ULK4: variants seen among roughly 807,000 people sequenced by gnomAD.
The protein encoded by ULK4 is unc-51 like kinase 4.
Under a neutral mutation model 160.6 loss-of-function variants are expected in ULK4, and 133 were observed. That is an observed-to-expected ratio of 0.83 (90% CI 0.72 to 0.96). The LOEUF (loss-of-function observed/expected upper bound fraction) is 0.96, where lower values mean the gene tolerates loss of function less well. Among genes scored for constraint, ULK4 ranks in the 40% least tolerant of loss-of-function variants. The probability of loss-of-function intolerance (pLI) is 0.00; values close to 1 mark genes in which losing one functional copy is unlikely to be tolerated. For missense variants in ULK4, 1,580 were observed against 1,499.5 expected (o/e 1.05, Z -0.89); for synonymous variants, 534 against 539.8 (o/e 0.99, Z 0.15).
chr3:41,366,586 A>G (rs1002055971), intron 35 of ULK4, among the ~76,000 whole-genome samples: 1 of 150,080 alleles, frequency 6.7e-6, no homozygotes, highest in African/African-American at 2.5e-5. Context: ...TTATCTATAT[A>G]CCTATTATGT....
intron 25 of ULK4, among the ~76,000 whole-genome samples, chr3:41,705,862 A>G (rs771162436): frequency 7.9e-5 from 12 of 152,214 alleles, no homozygotes; most frequent in Non-Finnish European, 1.6e-4. Flanking sequence ...TAACTGATAC[A>G]TAACCATGTC....
At chr3:41,541,042 C>A (rs2086678809) in intron 32 of ULK4, among the ~76,000 whole-genome samples, 1 of 152,178 alleles carries the variant, frequency 6.6e-6, no homozygotes, top group African/African-American at 2.4e-5. Context: ...AATTACATCC[C>A]ATTTGTCAAT....
intron 16 of ULK4, among the ~76,000 whole-genome samples, chr3:41,885,670 CA>C (rs1697695098): frequency 6.6e-6 from 1 of 151,628 alleles, no homozygotes; most frequent in South Asian, 2.1e-4. Context: ...AAGTAAGGAA[CA>C]AAATATTTTT....
intron 22 of ULK4, among the ~76,000 whole-genome samples, chr3:41,726,586 T>C (rs2037660089): frequency 6.6e-6 from 1 of 152,054 alleles, no homozygotes; most frequent in Non-Finnish European, 1.5e-5. Flanking sequence ...AAACTGCAAA[T>C]AAACAAGGTC....
intron 35 of ULK4, among the ~76,000 whole-genome samples, chr3:41,328,729 A>C (rs1163488972): frequency 6.6e-6 from 1 of 152,068 alleles, no homozygotes; most frequent in African/African-American, 2.4e-5. Flanking sequence ...CTCGGGATTG[A>C]ACTGATCCCC....
intron 21 of ULK4, among the ~76,000 whole-genome samples, chr3:41,765,107 C>A (rs1213554160): frequency 6.6e-6 from 1 of 152,068 alleles, no homozygotes; most frequent in Non-Finnish European, 1.5e-5. Context: ...CACATGCACA[C>A]GTTATGTTTA....
chr3:41,278,792 G>T (rs1345414963), intron 35 of ULK4, among the ~76,000 whole-genome samples: 1 of 152,084 alleles, frequency 6.6e-6, no homozygotes, highest in South Asian at 2.1e-4. Flanking sequence ...CCACCCATAG[G>T]TCACCAACAT....
At chr3:41,597,371 T>C (rs2031762493) in intron 31 of ULK4, among the ~76,000 whole-genome samples, 1 of 152,216 alleles carries the variant, frequency 6.6e-6, no homozygotes, top group African/African-American at 2.4e-5. Context: ...GCTCAAAACC[T>C]GCAGGGCCTT....
At chr3:41,313,237 C>G (rs570473745) in intron 35 of ULK4, among the ~76,000 whole-genome samples, 1 of 152,280 alleles carries the variant, frequency 6.6e-6, no homozygotes, top group South Asian at 2.1e-4. Context: ...GTTATTTAAC[C>G]TCTATAATGC....
chr3:41,541,590 T>C (rs372873505), intron 32 of ULK4, among the ~76,000 whole-genome samples: 7 of 152,190 alleles, frequency 4.6e-5, no homozygotes, highest in African/African-American at 1.4e-4. Context: ...TTGATGGGGA[T>C]AGCATTGAAT....
At position 41,619,898 on chromosome 3, in the gene ULK4, C is replaced by T. The variant is rs182414843; in HGVS notation, c.3072-4181G>A. Among the ~76,000 whole-genome samples, 59 of 152,094 alleles carry T rather than the reference C, an allele frequency of 3.9e-4. No individual in the cohort carries two copies. In the East Asian group the frequency reaches 0.011, roughly 28 times the overall value. On this transcript the variant is annotated intron_variant, in intron 30 of 36. Coordinates refer to ENST00000301831, the MANE Select transcript of ULK4 (RefSeq NM_017886.4). ...TAGACTAATAAAAAGAGAGAAGAAT[C>T]AAATAGACACAACAAAAAATGATAC... is the stretch of plus-strand genomic sequence containing the variant.
rs558307006 is a variant in ULK4 at position 41,654,903 on chromosome 3, AAC to A, written c.3071+8702_3071+8703del. Among the ~76,000 whole-genome samples the A allele has an allele frequency of 3.3e-5, 5 of 152,350 alleles. No homozygotes were observed. The East Asian group carries it at 9.6e-4, about 29-fold the overall frequency. On this transcript the variant is annotated intron_variant, in intron 30 of 36. Transcript: ENST00000301831. Reference sequence around the variant, plus strand: ...AGAAACCATGTATGAGTGATCCTAAAACAAAAACAGTCTTACAGACTCAGAGA... The same window carrying A: ...AGAAACCATGTATGAGTGATCCTAAAAAAAACAGTCTTACAGACTCAGAGA...
intron 34 of ULK4, among the ~76,000 whole-genome samples, chr3:41,425,936 C>T (rs1299408075): frequency 6.6e-6 from 1 of 152,132 alleles, no homozygotes; most frequent in Admixed American, 6.5e-5. Context: ...ACAATATCAA[C>T]CTTAAATGTA....
At chr3:41,652,757 G>T (rs1209402017) in intron 30 of ULK4, among the ~76,000 whole-genome samples, 2 of 152,128 alleles carry the variant, frequency 1.3e-5, no homozygotes, top group Non-Finnish European at 2.9e-5. Flanking sequence ...AAATTGGACT[G>T]TTCTTATAAG....
At chr3:41,361,972 A>G (rs1056644973) in intron 35 of ULK4, among the ~76,000 whole-genome samples, 13 of 152,186 alleles carry the variant, frequency 8.5e-5, no homozygotes, top group Non-Finnish European at 1.2e-4. Context: ...TCAGAAAGGC[A>G]TTCTAAACAG....
At position 41,819,719 on chromosome 3, in the gene ULK4, T is replaced by C. The variant is rs543195575; in HGVS notation, c.1765-213A>G. Among the ~76,000 whole-genome samples, 24 of 152,326 alleles carry C rather than the reference T, an allele frequency of 1.6e-4. No individual in the cohort carries two copies. The South Asian group carries it at 4.8e-3, about 30-fold the overall frequency. On this transcript the variant is annotated intron_variant, in intron 18 of 36. Transcript: ENST00000301831. The stretch of plus-strand genomic sequence containing the variant: ...ATTTATTCTATTTCTCATTGCATTA[T>C]ATATGATGTGGGTAAGATCCCCTCA...
At chr3:41,922,307 G>A (rs1699213362) in intron 5 of ULK4, among the ~76,000 whole-genome samples, 1 of 152,130 alleles carries the variant, frequency 6.6e-6, no homozygotes, top group Non-Finnish European at 1.5e-5. Flanking sequence ...GGACAGCACA[G>A]CAAAACCCAG....
chr3:41,319,180 T>C lies in ULK4; in HGVS notation c.3679-69606A>G, dbSNP rs540761498. 4.6e-4 allele frequency among the ~76,000 whole-genome samples: 70 copies of C among 152,332 alleles called. 1 individual carries two copies. Among genetic ancestry groups the C allele is most frequent in the African/African-American group, 1.7e-3 (69 of 41,570 alleles). Reference sequence around the variant, plus strand: ...GGCTATGGCAACCTTTGGAATGGACTTGCAAGCTGCATTATTCTGCCAGGT... The same window carrying C: ...GGCTATGGCAACCTTTGGAATGGACCTGCAAGCTGCATTATTCTGCCAGGT... On this transcript the variant is annotated intron_variant, in intron 35 of 36. Coordinates refer to ENST00000301831, the MANE Select transcript of ULK4 (RefSeq NM_017886.4).
intron 35 of ULK4, among the ~76,000 whole-genome samples, chr3:41,333,136 A>G (rs901526653): frequency 6.6e-6 from 1 of 152,258 alleles, no homozygotes; most frequent in African/African-American, 2.4e-5. Context: ...TAAATTGAAG[A>G]TATCATCTAC....
Sources: gnomAD v4.1 joint callset for allele counts (sites outside exome capture counted in the v4.1 genomes callset) on GRCh38, gnomAD v4.1.1 for gene constraint, MANE v1.5 for transcripts, NCBI Gene and HGNC (gene_info 2026-07-23, HGNC 2026-07-21) for gene names.